CTNNA2: variants seen among roughly 807,000 people sequenced by gnomAD.
CTNNA2 encodes the protein catenin alpha-2.
In CTNNA2, 42 loss-of-function variants were observed where a neutral mutation model predicts 101.0. The ratio of observed to expected loss-of-function variants is 0.42; its 90% CI spans 0.32 to 0.54. The LOEUF (loss-of-function observed/expected upper bound fraction) is 0.54. CTNNA2 is among the 20% of genes least tolerant of loss of function. CTNNA2 has a pLI of 0.14. For synonymous variants in CTNNA2, 450 were observed against 456.4 expected, an observed-to-expected ratio of 0.99 and a Z score of 0.18; for missense variants, 871 against 1,223.1, an observed-to-expected ratio of 0.71 and a Z score of 4.29.
intron 7 of CTNNA2, among the ~76,000 whole-genome samples, chr2:80,260,124 A>T (rs891818379): frequency 1.3e-5 from 2 of 152,182 alleles, no homozygotes; most frequent in African/African-American, 4.8e-5. Context: ...CAAAAGTTAA[A>T]AATTTTCCTA....
In CTNNA2 at chr2:80,400,716, G is replaced by A. The variant is rs559255648; in HGVS notation, c.1137+7425G>A. Among the ~76,000 whole-genome samples, 27 of 152,108 alleles carry A rather than the reference G, an allele frequency of 1.8e-4. No individual in the cohort carries two copies. In the South Asian group the frequency reaches 3.3e-3, roughly 19 times the overall value. ...TCCTTTTGTTATTCCTTAAATCTCC[G>A]TCAGTCATTCAATCCAATTGATACC... On this transcript the variant is annotated intron_variant, in intron 8 of 18. Transcript: ENST00000402739.
chr2:79,263,893 A>C (rs1198106915), intron 2 of CTNNA2, among the ~76,000 whole-genome samples: 1 of 152,194 alleles, frequency 6.6e-6, no homozygotes, highest in African/African-American at 2.4e-5. Context: ...GTGGTATTCT[A>C]TTATAGAAAC....
At chr2:79,517,129 G>A (rs1175106639) in intron 1 of CTNNA2, among the ~76,000 whole-genome samples, 1 of 152,170 alleles carries the variant, frequency 6.6e-6, no homozygotes, top group Non-Finnish European at 1.5e-5. Context: ...TCTGTGTGGA[G>A]AGACAGATGC....
intron 7 of CTNNA2, among the ~76,000 whole-genome samples, chr2:80,086,259 A>G (rs1283722826): frequency 6.6e-6 from 1 of 152,120 alleles, no homozygotes; most frequent in Non-Finnish European, 1.5e-5. Context: ...CAAACGTAAC[A>G]CACTCATGTT....
At chr2:79,498,955 GC>G (rs1332411012) in intron 4 of CTNNA2, 1 of 152,134 alleles carries the variant, frequency 6.6e-6, no homozygotes, top group Non-Finnish European at 1.5e-5. Flanking sequence ...TTCAATTTAA[GC>G]CAATCCAGTA....
intron 7 of CTNNA2, among the ~76,000 whole-genome samples, chr2:80,049,091 G>T (rs1489205985): frequency 6.6e-6 from 1 of 152,188 alleles, no homozygotes; most frequent in Admixed American, 6.5e-5. Flanking sequence ...AGTAACAATA[G>T]AACATTAAAT....
chr2:80,062,997 G>A (rs556349464), intron 7 of CTNNA2, among the ~76,000 whole-genome samples: 3 of 152,118 alleles, frequency 2.0e-5, no homozygotes, highest in Non-Finnish European at 2.9e-5. Flanking sequence ...GAGCCACCGC[G>A]CCCGGCCAAA....
intron 4 of CTNNA2, among the ~76,000 whole-genome samples, chr2:79,477,933 G>A (rs1434607656): frequency 2.6e-5 from 4 of 152,136 alleles, no homozygotes; most frequent in African/African-American, 9.7e-5. Flanking sequence ...TGATACTTCT[G>A]CATCTTTTGT....
chr2:79,391,342 C>A (rs1678169722), intron 4 of CTNNA2, among the ~76,000 whole-genome samples: 1 of 152,192 alleles, frequency 6.6e-6, no homozygotes, highest in South Asian at 2.1e-4. Flanking sequence ...TCATGATCCA[C>A]TTCCACTTAA....
chr2:79,727,829 T>TGG (rs199665439), intron 2 of CTNNA2, among the ~76,000 whole-genome samples: 1 of 150,626 alleles, frequency 6.6e-6, no homozygotes, highest in African/African-American at 2.4e-5. Flanking sequence ...TATGCAGTGT[T>TGG]TGGTTTTTTG....
chr2:79,682,184 G>A (rs183070111), intron 2 of CTNNA2, among the ~76,000 whole-genome samples: 14 of 151,990 alleles, frequency 9.2e-5, no homozygotes, highest in South Asian at 2.1e-4. Context: ...CGAGGCAGGC[G>A]GATCACGAGG....
intron 13 of CTNNA2, chr2:80,579,335 A>G (rs1695332268): frequency 6.6e-6 from 1 of 152,216 alleles, no homozygotes; most frequent in African/African-American, 2.4e-5. Flanking sequence ...CAGTACTATA[A>G]GAACTGTCAT....
intron 1 of CTNNA2, among the ~76,000 whole-genome samples, chr2:79,617,129 C>G (rs997204513): frequency 5.9e-5 from 9 of 152,104 alleles, no homozygotes; most frequent in African/African-American, 2.2e-4. Context: ...GTCTCGAACT[C>G]CTGACCTCGT....
intron 7 of CTNNA2, among the ~76,000 whole-genome samples, chr2:80,019,897 G>C (rs1015231031): frequency 6.6e-6 from 1 of 152,068 alleles, no homozygotes; most frequent in African/African-American, 2.4e-5. Context: ...GTCTCTGTAC[G>C]AGCAGACATT....
intron 3 of CTNNA2, among the ~76,000 whole-genome samples, chr2:79,315,045 A>T (rs1676464243): frequency 6.6e-6 from 1 of 152,080 alleles, no homozygotes; most frequent in South Asian, 2.1e-4. Flanking sequence ...TCACTTCCCT[A>T]AGTTACTATT....
chr2:80,445,821 T>A (rs1683026681), intron 9 of CTNNA2, among the ~76,000 whole-genome samples: 1 of 152,180 alleles, frequency 6.6e-6, no homozygotes. Flanking sequence ...TTATTTTTTA[T>A]TTACTTGGGA....
At chr2:80,208,356 G>C (rs6547298) in intron 7 of CTNNA2, among the ~76,000 whole-genome samples, 32,208 of 152,138 alleles carry the variant, frequency 0.21, 5,072 homozygotes, top group African/African-American at 0.44. Flanking sequence ...TGGATAGATA[G>C]ATAGATAAGA....
chr2:80,525,020 T>C (rs928865602), intron 9 of CTNNA2, among the ~76,000 whole-genome samples: 4 of 152,092 alleles, frequency 2.6e-5, no homozygotes, highest in African/African-American at 9.7e-5. Context: ...TTTGTGAGAT[T>C]TTGGTGCACC....
At chr2:79,230,899 A>G (rs1019545623) in intron 2 of CTNNA2, among the ~76,000 whole-genome samples, 2 of 152,222 alleles carry the variant, frequency 1.3e-5, no homozygotes, top group African/African-American at 4.8e-5. Flanking sequence ...TCAGATTTGC[A>G]TGGGGCCTAT....
Sources: allele counts gnomAD v4.1 joint callset (sites outside exome capture counted in the v4.1 genomes callset), GRCh38; gene constraint gnomAD v4.1.1; transcripts MANE v1.5; gene names NCBI Gene and HGNC (gene_info 2026-07-23, HGNC 2026-07-21).